Variants in PEX2 observed in about 807,000 individuals in gnomAD.
PEX2 encodes peroxisomal biogenesis factor 2, also known as peroxisome biogenesis factor 2.
Under a neutral mutation model 25.2 loss-of-function variants are expected in PEX2, and 19 were observed. That is an observed-to-expected ratio of 0.75 (90% CI 0.53 to 1.10). The LOEUF is 1.10. PEX2 is among the 50% of genes least tolerant of loss of function. The pLI is 0.00. For synonymous variants in PEX2, 141 were observed against 127.7 expected (o/e 1.10, Z -0.70); for missense variants, 347 against 350.6 (o/e 0.99, Z 0.08).
At chr8:76,984,339 A>G in intron 3 of PEX2, 144 bp from the exon 4 acceptor site, 1 of 615,270 alleles carries the variant, frequency 1.6e-6, no homozygotes, top group South Asian at 2.1e-5. Flanking sequence ...TAGTACAGCG[A>G]ATAATCACTT....
chr8:76,997,840 C>A (rs186915223), intron 1 of PEX2, among the ~76,000 whole-genome samples: 1 of 152,314 alleles, frequency 6.6e-6, no homozygotes, highest in East Asian at 1.9e-4. Context: ...GGACACTAGA[C>A]ATCCCTTCTT....
chr8:76,995,592 C>G (rs1334237636), intron 1 of PEX2, among the ~76,000 whole-genome samples: 2 of 152,016 alleles, frequency 1.3e-5, no homozygotes, highest in African/African-American at 4.8e-5. Context: ...TTATCTCATA[C>G]ACAATATAGT....
intron 2 of PEX2, among the ~76,000 whole-genome samples, chr8:76,987,621 C>A (rs1385139787): frequency 6.6e-6 from 1 of 152,102 alleles, no homozygotes; most frequent in African/African-American, 2.4e-5. Context: ...GAGAGAAAGA[C>A]TGGAAGCATA....
At chr8:76,989,899 C>G (rs997476223) in intron 1 of PEX2, among the ~76,000 whole-genome samples, 2 of 152,192 alleles carry the variant, frequency 1.3e-5, no homozygotes, top group African/African-American at 4.8e-5. Flanking sequence ...TAACCCACAA[C>G]AGGAGAGTCA....
intron 1 of PEX2, among the ~76,000 whole-genome samples, chr8:76,994,384 C>T (rs1230770664): frequency 2.0e-5 from 3 of 151,966 alleles, no homozygotes; most frequent in Non-Finnish European, 4.4e-5. Context: ...ATGTTATTGA[C>T]AGAAATCTAT....
upstream of PEX2, chr8:77,000,341 C>G (rs1236041576): frequency 9.3e-6 from 2 of 215,998 alleles, no homozygotes; most frequent in Admixed American, 6.5e-5. Flanking sequence ...CCGGTCAGCC[C>G]CGGGTCAGGG....
At chr8:77,000,135 G>GA (rs1034812026), upstream of PEX2, 3,725 of 292,506 alleles carry the variant, frequency 0.013, no homozygotes, top group South Asian at 0.02. Context: ...GGAAGTGGCT[G>GA]AAAAAAAAAA....
At chr8:76,999,095 G>A (rs1807420484) in intron 1 of PEX2, among the ~76,000 whole-genome samples, 1 of 151,886 alleles carries the variant, frequency 6.6e-6, no homozygotes, top group Admixed American at 6.6e-5. Context: ...GGTGAGATCA[G>A]ATAAGTTAAA....
At chr8:77,000,464 G>T (rs1807479341), upstream of PEX2, among the ~76,000 whole-genome samples, 1 of 152,142 alleles carries the variant, frequency 6.6e-6, no homozygotes. Context: ...AGGCGCCGCC[G>T]GGTGGCGGCG....
In PEX2 at chr8:76,983,081, A is replaced by G. The variant is rs944723012; in HGVS notation, c.*180T>C. The stretch of plus-strand genomic sequence containing the variant: ...AAAAACATAATACATTAACATTTAC[A>G]TAATATATTTAGAATCACATGGTTT... On this transcript the variant is annotated 3_prime_UTR_variant, in exon 4 of 4. Coordinates refer to ENST00000357039, the MANE Select transcript of PEX2 (RefSeq NM_000318.3). 8 of 1,410,882 alleles carry G rather than the reference A, an allele frequency of 5.7e-6. No homozygotes were observed. Among genetic ancestry groups the G allele is most frequent in the Admixed American group, 5.5e-5 (2 of 36,230 alleles). 87.4% of individuals were successfully genotyped at this position (1,410,882 alleles called of 1,614,324 possible). A position where few individuals can be genotyped will look rare whatever the true frequency, so the allele number is the denominator to read the frequency against.
intron 1 of PEX2, among the ~76,000 whole-genome samples, chr8:76,992,419 A>C (rs1310964307): frequency 6.6e-6 from 1 of 152,184 alleles, no homozygotes; most frequent in Non-Finnish European, 1.5e-5. Context: ...GTTCTTCCTC[A>C]TCACACATAC....
chr8:76,996,947 G>T (rs1258216579), intron 1 of PEX2, among the ~76,000 whole-genome samples: 1 of 152,156 alleles, frequency 6.6e-6, no homozygotes, highest in African/African-American at 2.4e-5. Flanking sequence ...AAAAACTGTA[G>T]AACATACAAA....
chr8:76,983,129 G>T lies in PEX2; in HGVS notation c.*132C>A, dbSNP rs1419786126. ...TTTCCAGTGATTAGATTTCAGTCATGCCTGGAAAGGAGAAGACAGTGGCTA... is the reference window on the plus strand; with the variant it reads ...TTTCCAGTGATTAGATTTCAGTCATTCCTGGAAAGGAGAAGACAGTGGCTA... On this transcript the variant is annotated 3_prime_UTR_variant, in exon 4 of 4. Transcript: ENST00000357039. 1.9e-6 allele frequency: 3 copies of T among 1,550,012 alleles called. No homozygotes were observed. Among genetic ancestry groups the T allele is most frequent in the Non-Finnish European group, 2.6e-6 (3 of 1,153,674 alleles).
At chr8:76,995,487 G>A (rs1807297373) in intron 1 of PEX2, among the ~76,000 whole-genome samples, 1 of 151,710 alleles carries the variant, frequency 6.6e-6, no homozygotes, top group South Asian at 2.1e-4. Flanking sequence ...TAGAAGAGGG[G>A]AAAATATCTT....
chr8:76,999,261 T>C (rs1208137445), intron 1 of PEX2, among the ~76,000 whole-genome samples: 1 of 152,216 alleles, frequency 6.6e-6, no homozygotes, highest in Non-Finnish European at 1.5e-5. Context: ...TCACGGAAGT[T>C]TAACAGAATG....
chr8:76,982,363 T>C lies in PEX2; in HGVS notation c.*898A>G, dbSNP rs1806856001. ...GCAAGAGAAAGAGACCTGTAAATAG[T>C]GCTGTTCATACTAGTTGCCCCCAGT... On this transcript the variant is annotated 3_prime_UTR_variant, in exon 4 of 4. Coordinates refer to ENST00000357039, the MANE Select transcript of PEX2 (RefSeq NM_000318.3). 1 of 152,200 alleles carries C rather than the reference T, an allele frequency of 6.6e-6. No individual in the cohort carries two copies. Among genetic ancestry groups the C allele is most frequent in the Non-Finnish European group, 1.5e-5 (1 of 68,020 alleles). 9.4% of individuals were successfully genotyped at this position (152,200 alleles called of 1,614,324 possible).
At chr8:76,992,739 C>A (rs986862254) in intron 1 of PEX2, among the ~76,000 whole-genome samples, 9 of 152,142 alleles carry the variant, frequency 5.9e-5, no homozygotes. Context: ...TACTGGACAC[C>A]TATCAAATAC....
chr8:76,989,998 T>C (rs1807120614), intron 1 of PEX2, among the ~76,000 whole-genome samples: 2 of 152,256 alleles, frequency 1.3e-5, no homozygotes, highest in African/African-American at 4.8e-5. Context: ...TATAAGCCTT[T>C]TGTCTATCTT....
At chr8:77,000,465 G>T (rs574072885), upstream of PEX2, among the ~76,000 whole-genome samples, 2 of 151,966 alleles carry the variant, frequency 1.3e-5, no homozygotes, top group African/African-American at 2.4e-5. Context: ...GGCGCCGCCG[G>T]GTGGCGGCGA....
Sources: allele counts gnomAD v4.1 joint callset (sites outside exome capture counted in the v4.1 genomes callset), GRCh38; gene constraint gnomAD v4.1.1; transcripts MANE v1.5; gene names NCBI Gene and HGNC (gene_info 2026-07-23, HGNC 2026-07-21).